Variants in ST8SIA6 observed in about 807,000 individuals in gnomAD.
ST8SIA6 encodes ST8 alpha-N-acetyl-neuraminide alpha-2,8-sialyltransferase 6.
A neutral mutation model predicts 33.6 loss-of-function variants in ST8SIA6; 39 were observed. That is an observed-to-expected ratio of 1.16 (90% CI 0.90 to 1.52). ST8SIA6 has a LOEUF of 1.52. ST8SIA6 is among the 40% of genes most tolerant of loss of function. ST8SIA6 has a pLI of 0.00. For synonymous variants in ST8SIA6, 172 were observed against 167.2 expected (o/e 1.03, Z -0.22); for missense variants, 441 against 443.8 (o/e 0.99, Z 0.06).
At position 17,411,786 on chromosome 10, in the gene ST8SIA6, G is replaced by C. The variant is rs557260578; in HGVS notation, c.201-21166C>G. ...ATCTGTTCTTGTTCTTTAATTCCTG[G>C]CCCTATTTCCTATTCATCTGAAAAA... is the stretch of plus-strand genomic sequence containing the variant. On this transcript the variant is annotated intron_variant, in intron 2 of 7. Coordinates refer to ENST00000377602, the MANE Select transcript of ST8SIA6 (RefSeq NM_001004470.3). Among the ~76,000 whole-genome samples the C allele has an allele frequency of 2.0e-4, 30 of 152,180 alleles. No individual in the cohort carries two copies. The Middle Eastern group carries it at 0.017, about 86-fold the overall frequency.
rs2131579964 is a variant in ST8SIA6, at chr10:17,327,008, T to C, written c.635+6A>G. 1 of 1,588,886 alleles carries C rather than the reference T, an allele frequency of 6.3e-7. No homozygotes were observed. The highest frequency in any genetic ancestry group is 1.4e-5 in the African/African-American group (1 of 73,582). The stretch of plus-strand genomic sequence containing the variant: ...GTTTCAAAGAAACCAATTTGTCAGG[T>C]CTTACCTAAAAACGAAGTCGGATTT... On this transcript the variant is annotated splice_donor_region_variant and intron_variant, in intron 6 of 7. Coordinates refer to ENST00000377602, the MANE Select transcript of ST8SIA6 (RefSeq NM_001004470.3).
At chr10:17,433,870 C>T (rs1588921519) in intron 2 of ST8SIA6, among the ~76,000 whole-genome samples, 1 of 152,276 alleles carries the variant, frequency 6.6e-6, no homozygotes, top group African/African-American at 2.4e-5. Context: ...CTCACATTCA[C>T]CTGTCCTCAA....
rs1313006387 is a variant in ST8SIA6, at chr10:17,377,907, T to C, written c.290+12624A>G. Among the ~76,000 whole-genome samples the C allele has an allele frequency of 4.6e-5, 7 of 152,202 alleles. No individual in the cohort carries two copies. In the East Asian group the frequency reaches 1.3e-3, roughly 29 times the overall value. On this transcript the variant is annotated intron_variant, in intron 3 of 7. Coordinates refer to ENST00000377602, the MANE Select transcript of ST8SIA6 (RefSeq NM_001004470.3). ...CCTAAGTCTGTAATAGCACTGATTA[T>C]GGAACACACAACCCCTGACCATAGA...
At chr10:17,349,631 T>C (rs1311490884) in intron 4 of ST8SIA6, among the ~76,000 whole-genome samples, 2 of 152,236 alleles carry the variant, frequency 1.3e-5, no homozygotes, top group Non-Finnish European at 2.9e-5. Flanking sequence ...GGTAAAATGC[T>C]GCCTTTAAGA....
At chr10:17,443,583 A>C (rs1852583743) in intron 2 of ST8SIA6, among the ~76,000 whole-genome samples, 1 of 152,252 alleles carries the variant, frequency 6.6e-6, no homozygotes, top group African/African-American at 2.4e-5. Flanking sequence ...AATTATGCCC[A>C]TGGATATGAA....
chr10:17,451,037 A>G (rs969386758), intron 2 of ST8SIA6, among the ~76,000 whole-genome samples: 1 of 152,168 alleles, frequency 6.6e-6, no homozygotes, highest in Non-Finnish European at 1.5e-5. Flanking sequence ...ACTGTGGGCA[A>G]TTTACTTCAT....
chr10:17,453,922 C>T (rs78387696), intron 1 of ST8SIA6, among the ~76,000 whole-genome samples: 5 of 152,062 alleles, frequency 3.3e-5, no homozygotes, highest in African/African-American at 7.2e-5. Flanking sequence ...CGCGCTAGAG[C>T]CCCCGCAGCC....
chr10:17,357,292 ATTTT>A (rs113412171), intron 4 of ST8SIA6, among the ~76,000 whole-genome samples: 28 of 143,852 alleles, frequency 1.9e-4, no homozygotes, highest in Admixed American at 5.6e-4. Flanking sequence ...CGCCTGGCTA[ATTTT>A]TTTTTTTTTT....
chr10:17,334,523 A>G (rs1261440822), intron 4 of ST8SIA6, among the ~76,000 whole-genome samples: 3 of 149,194 alleles, frequency 2.0e-5, no homozygotes, highest in Non-Finnish European at 4.4e-5. Flanking sequence ...TGGGCGACAG[A>G]GCGAGACTCC....
intron 2 of ST8SIA6, among the ~76,000 whole-genome samples, chr10:17,449,343 A>T (rs994753414): frequency 2.6e-5 from 4 of 152,164 alleles, no homozygotes; most frequent in Admixed American, 6.5e-5. Flanking sequence ...CCAATGAAAA[A>T]CTTTGACAAA....
Position 17,359,426 on chromosome 10 carries a change from C to A in ST8SIA6, c.377+88G>T, listed in dbSNP as rs1849309485. On this transcript the variant is annotated intron_variant, in intron 4 of 7. Transcript: ENST00000377602. ...TTGCCAGCTGGGGTTGGTTCTACTT[C>A]TCTTTTTAATAACATATTGCCTATT... 2.8e-6 allele frequency: 3 copies of A among 1,085,976 alleles called. No individual in the cohort carries two copies. In the African/African-American group the frequency reaches 4.8e-5, roughly 18 times the overall value. 67.3% of individuals were successfully genotyped at this position (1,085,976 alleles called of 1,614,324 possible). A position where few individuals can be genotyped will look rare whatever the true frequency, so the allele number is the denominator to read the frequency against.
chr10:17,444,365 G>A (rs1302938020), intron 2 of ST8SIA6, among the ~76,000 whole-genome samples: 1 of 152,194 alleles, frequency 6.6e-6, no homozygotes, highest in Non-Finnish European at 1.5e-5. Flanking sequence ...TCTTTGTTAA[G>A]AGAAGTGCTG....
intron 5 of ST8SIA6, among the ~76,000 whole-genome samples, chr10:17,327,734 C>CT (rs1274548058): frequency 6.6e-6 from 1 of 152,112 alleles, no homozygotes; most frequent in Middle Eastern, 3.2e-3. Flanking sequence ...AAGCAAGACT[C>CT]TGTCTCTACA....
chr10:17,340,885 A>G (rs1588806425), intron 4 of ST8SIA6, among the ~76,000 whole-genome samples: 1 of 152,136 alleles, frequency 6.6e-6, no homozygotes, highest in African/African-American at 2.4e-5. Flanking sequence ...TACCCCCTGC[A>G]CCCTAGCTGC....
intron 2 of ST8SIA6, among the ~76,000 whole-genome samples, chr10:17,422,208 T>C (rs1851800786): frequency 1.3e-5 from 2 of 152,128 alleles, no homozygotes; most frequent in South Asian, 4.1e-4. Flanking sequence ...GCAAAATAAA[T>C]TTAAAAATCT....
chr10:17,391,878 T>C (rs1217560340), intron 2 of ST8SIA6, among the ~76,000 whole-genome samples: 2 of 152,214 alleles, frequency 1.3e-5, no homozygotes, highest in Non-Finnish European at 2.9e-5. Flanking sequence ...TACCTCATAG[T>C]GTTATTGCCA....
chr10:17,397,104 C>A (rs10159766), intron 2 of ST8SIA6, among the ~76,000 whole-genome samples: 48,290 of 152,010 alleles, frequency 0.32, 8,697 homozygotes, highest in East Asian at 0.6. Context: ...GGTGTTCCCC[C>A]ATACACTGCC....
intron 4 of ST8SIA6, among the ~76,000 whole-genome samples, chr10:17,348,866 C>G (rs1848936941): frequency 6.6e-6 from 1 of 152,120 alleles, no homozygotes; most frequent in Non-Finnish European, 1.5e-5. Context: ...CTGGGTTCCT[C>G]AGCCCTTACT....
intron 4 of ST8SIA6, among the ~76,000 whole-genome samples, chr10:17,340,445 C>T (rs1286070185): frequency 6.6e-6 from 1 of 152,196 alleles, no homozygotes; most frequent in Non-Finnish European, 1.5e-5. Context: ...CATACCTCTG[C>T]TCTCTTTAAA....
Sources: gnomAD v4.1 joint callset for allele counts (sites outside exome capture counted in the v4.1 genomes callset) on GRCh38, gnomAD v4.1.1 for gene constraint, MANE v1.5 for transcripts, NCBI Gene and HGNC (gene_info 2026-07-23, HGNC 2026-07-21) for gene names.